The following CNKSR2 variants were observed in gnomAD, a reference collection of about 807,000 sequenced individuals.
The protein encoded by CNKSR2 is connector enhancer of kinase suppressor of Ras 2, also known as CNK homolog protein 2.
CNKSR2 carries 14 observed loss-of-function variants against 84.4 expected under a neutral mutation model. The observed-to-expected ratio is 0.17, with a 90% CI of 0.11 to 0.26. CNKSR2 has a LOEUF of 0.26. Ranked by LOEUF, CNKSR2 falls within the 10% of genes least tolerant of loss-of-function variation. The pLI is 1.00. For missense variants in CNKSR2, 485 were observed against 771.2 expected (o/e 0.63, Z 4.40); for synonymous variants, 275 against 277.9 (o/e 0.99, Z 0.10).
chrX:21,492,906 G>A (rs2091456738), intron 6 of CNKSR2: 1 of 111,853 alleles, frequency 8.9e-6, no homozygotes, highest in Non-Finnish European at 1.9e-5. Flanking sequence ...TTGGTAATTA[G>A]CCATAGTAAA....
chrX:21,419,038 T>A (rs1046259355), intron 1 of CNKSR2, among the ~76,000 whole-genome samples: 4 of 110,932 alleles, frequency 3.6e-5, no homozygotes, highest in African/African-American at 1.3e-4. Context: ...ATAACTCTTA[T>A]ATATTCCCTT....
chrX:21,497,658 A>G (rs2091514669), intron 6 of CNKSR2, 129 bp from the exon 7 acceptor site: 2 of 471,193 alleles, frequency 4.2e-6, no homozygotes, highest in Non-Finnish European at 3.8e-6. Flanking sequence ...GTCTGTCTTC[A>G]TGGATTTATT....
At chrX:21,526,716 C>A in intron 9 of CNKSR2, 151 bp from the exon 10 acceptor site, 1 of 487,425 alleles carries the variant, frequency 2.1e-6, no homozygotes, top group Non-Finnish European at 3.4e-6. Context: ...TACTAAATAA[C>A]ATGTTTCTTG....
intron 4 of CNKSR2, among the ~76,000 whole-genome samples, chrX:21,465,724 TA>T (rs2091118710): frequency 9.0e-6 from 1 of 111,603 alleles, no homozygotes; most frequent in African/African-American, 3.2e-5. Context: ...TATTTACTAT[TA>T]ATAACATATG....
In CNKSR2 at chrX:21,413,105, G is replaced by T. The variant is rs535779181; in HGVS notation, c.65-13392G>T. ...CTCTGGCAGCCCCATTCTACTTTCT[G>T]TCTCTGAATTTGACGACTGCATGAC... is the stretch of plus-strand genomic sequence containing the variant. On this transcript the variant is annotated intron_variant, in intron 1 of 21. Coordinates refer to ENST00000379510, the MANE Select transcript of CNKSR2 (RefSeq NM_014927.5). Among the ~76,000 whole-genome samples, 5 of 110,853 alleles carry T rather than the reference G, an allele frequency of 4.5e-5. No individual in the cohort carries two copies. In the East Asian group the frequency reaches 1.1e-3, roughly 25 times the overall value.
chrX:21,588,848 A>G (rs1198516237), intron 13 of CNKSR2, among the ~76,000 whole-genome samples: 1 of 111,777 alleles, frequency 8.9e-6, no homozygotes, highest in African/African-American at 3.2e-5. Flanking sequence ...TTTCAAAATA[A>G]TGAGCTGTAA....
Position 21,606,806 on chromosome X carries a change from A to G in CNKSR2, c.2072A>G (p.Glu691Gly). ...TACTGGAGTGAGAGTGACAAGGAAG[A>G]AGCAGATACTCCATCAACACCAAAA... ...QDYWSESDKEEADTPSTPKQD... is the reference protein window; with the variant it reads ...QDYWSESDKEGADTPSTPKQD... The change falls in exon 19 of 22, where the codon GAA becomes GGA. Residue 691 changes from glutamate (E) to glycine (G), a missense_variant. Transcript: ENST00000379510. The G allele has an allele frequency of 8.3e-7, 1 of 1,199,527 alleles. No homozygotes were observed. Among genetic ancestry groups the G allele is most frequent in the South Asian group, 1.8e-5 (1 of 56,137 alleles).
chrX:21,390,840 C>G (rs900575546), intron 1 of CNKSR2, among the ~76,000 whole-genome samples: 5 of 112,033 alleles, frequency 4.5e-5, no homozygotes, highest in African/African-American at 1.6e-4. Flanking sequence ...CCATCTATGA[C>G]ACTGTAAAAT....
chrX:21,446,270 G>GA (rs1297919640), intron 4 of CNKSR2, among the ~76,000 whole-genome samples: 15 of 109,449 alleles, frequency 1.4e-4, no homozygotes, highest in Admixed American at 3.9e-4. Context: ...CTTTTTTTCT[G>GA]AAAAAAAATG....
intron 8 of CNKSR2, chrX:21,506,252 A>G (rs2091610901): frequency 9.0e-6 from 1 of 111,604 alleles, no homozygotes; most frequent in Non-Finnish European, 1.9e-5. Context: ...GATTCTGTGA[A>G]ATCAGTATTC....
At chrX:21,574,400 A>G (rs2092306034) in intron 13 of CNKSR2, among the ~76,000 whole-genome samples, 1 of 111,631 alleles carries the variant, frequency 9.0e-6, no homozygotes, top group African/African-American at 3.3e-5. Context: ...CATACCCAGG[A>G]CTCGGTAATT....
At chrX:21,419,086 CT>C (rs1461308110) in intron 1 of CNKSR2, among the ~76,000 whole-genome samples, 1 of 110,155 alleles carries the variant, frequency 9.1e-6, no homozygotes, top group Non-Finnish European at 1.9e-5. Flanking sequence ...GTTTTTTATT[CT>C]TGTTTTAATC....
At chrX:21,424,628 G>A (rs2090541451) in intron 1 of CNKSR2, 1 of 111,559 alleles carries the variant, frequency 9.0e-6, no homozygotes. Context: ...AAATCCTCTT[G>A]TATACTTTAA....
chrX:21,464,537 A>C (rs2091102394), intron 4 of CNKSR2, among the ~76,000 whole-genome samples: 1 of 111,885 alleles, frequency 8.9e-6, no homozygotes, highest in Admixed American at 9.5e-5. Context: ...TAAAACATCC[A>C]CTTTAGTATG....
At chrX:21,622,204 T>C (rs2092604884) in intron 20 of CNKSR2, among the ~76,000 whole-genome samples, 1 of 111,445 alleles carries the variant, frequency 9.0e-6, no homozygotes, top group South Asian at 3.7e-4. Context: ...TTATCATTGA[T>C]ATTTTCTTAA....
At position 21,470,750 on chromosome X, in the gene CNKSR2, G is replaced by T; in HGVS notation, c.520-16G>T. The T allele has an allele frequency of 1.1e-6, 1 of 898,839 alleles. No individual in the cohort carries two copies. The highest frequency in any genetic ancestry group is 2.0e-5 in the African/African-American group (1 of 49,508). 74.1% of individuals were successfully genotyped at this position (898,839 alleles called of 1,213,427 possible). On this transcript the variant is annotated splice_polypyrimidine_tract_variant and intron_variant, in intron 4 of 21. Coordinates refer to ENST00000379510, the MANE Select transcript of CNKSR2 (RefSeq NM_014927.5). The stretch of plus-strand genomic sequence containing the variant: ...TTGATATTTTGAATCTAATGTATAT[G>T]GTTCTTTTTTTTCAGGATTGTACTG...
chrX:21,415,871 CAT>C (rs1208187718), intron 1 of CNKSR2, among the ~76,000 whole-genome samples: 2,210 of 54,562 alleles, frequency 0.041, 26 homozygotes, highest in Middle Eastern at 0.079. Context: ...CACACACACA[CAT>C]ATATATATAT....
intron 1 of CNKSR2, among the ~76,000 whole-genome samples, chrX:21,403,022 A>G (rs1317830520): frequency 9.0e-6 from 1 of 111,297 alleles, no homozygotes; most frequent in Non-Finnish European, 1.9e-5. Context: ...AGAGACAGTT[A>G]AATACCTTGC....
intron 1 of CNKSR2, among the ~76,000 whole-genome samples, chrX:21,393,877 G>A (rs982772461): frequency 8.9e-6 from 1 of 112,428 alleles, no homozygotes; most frequent in South Asian, 3.6e-4. Context: ...CTGTAGTCAT[G>A]TCAAAAGACG....
Sources: allele counts gnomAD v4.1 joint callset (sites outside exome capture counted in the v4.1 genomes callset), GRCh38; gene constraint gnomAD v4.1.1; transcripts MANE v1.5; gene names NCBI Gene and HGNC (gene_info 2026-07-23, HGNC 2026-07-21).